The following ATP9B variants were observed in gnomAD, a reference collection of about 807,000 sequenced individuals.
The protein encoded by ATP9B is ATPase phospholipid transporting 9B, also known as probable phospholipid-transporting ATPase IIB.
Under a neutral mutation model 146.1 loss-of-function variants are expected in ATP9B, and 110 were observed. The observed-to-expected ratio is 0.75, with a 90% CI of 0.65 to 0.88. ATP9B has a LOEUF of 0.88. Ranked by LOEUF, ATP9B falls within the 40% of genes least tolerant of loss-of-function variation. The pLI is 0.00. For synonymous variants in ATP9B, 604 were observed against 569.7 expected, an observed-to-expected ratio of 1.06 and a Z score of -0.86; for missense variants, 1,499 against 1,496.4, an observed-to-expected ratio of 1.00 and a Z score of -0.03.
chr18:79,342,828 C>T (rs1374044574), intron 20 of ATP9B, among the ~76,000 whole-genome samples: 3 of 152,080 alleles, frequency 2.0e-5, no homozygotes, highest in East Asian at 1.9e-4. Flanking sequence ...ACAAGTTATA[C>T]GTGTTACATG....
intron 3 of ATP9B, among the ~76,000 whole-genome samples, chr18:79,111,060 T>C (rs2075974916): frequency 1.3e-5 from 2 of 152,214 alleles, no homozygotes; most frequent in South Asian, 2.1e-4. Context: ...TTGGGTATTA[T>C]TGCTAAATTT....
chr18:79,089,169 C>T (rs978567283), intron 1 of ATP9B, among the ~76,000 whole-genome samples: 5 of 151,918 alleles, frequency 3.3e-5, no homozygotes, highest in African/African-American at 4.8e-5. Flanking sequence ...GTATACTGCT[C>T]GGGAGATGGG....
intron 2 of ATP9B, among the ~76,000 whole-genome samples, chr18:79,106,275 G>C (rs1308545023): frequency 6.6e-6 from 1 of 152,178 alleles, no homozygotes; most frequent in East Asian, 1.9e-4. Context: ...AAGGACTTCT[G>C]TTTGCTTCTC....
chr18:79,356,608 T>C (rs571138300), intron 25 of ATP9B, among the ~76,000 whole-genome samples: 3 of 152,360 alleles, frequency 2.0e-5, no homozygotes, highest in African/African-American at 7.2e-5. Context: ...AATTGCGCTG[T>C]GTAAAAGACG....
At chr18:79,364,791 A>T (rs2097016466) in intron 26 of ATP9B, among the ~76,000 whole-genome samples, 1 of 152,194 alleles carries the variant, frequency 6.6e-6, no homozygotes, top group Admixed American at 6.5e-5. Flanking sequence ...TGGGAGGCTG[A>T]AGCAGGAGGA....
intron 7 of ATP9B, among the ~76,000 whole-genome samples, chr18:79,170,123 T>G (rs2095047375): frequency 6.6e-6 from 1 of 152,236 alleles, no homozygotes; most frequent in Non-Finnish European, 1.5e-5. Context: ...CTGTTCTGGC[T>G]GACCTTGGCT....
intron 12 of ATP9B, among the ~76,000 whole-genome samples, chr18:79,266,143 G>A (rs1599413683): frequency 2.0e-5 from 3 of 152,136 alleles, no homozygotes; most frequent in African/African-American, 4.8e-5. Context: ...TGAATATGGT[G>A]TATCTCTCAA....
At chr18:79,361,965 A>T (rs1224483224) in intron 26 of ATP9B, 1 of 231,944 alleles carries the variant, frequency 4.3e-6, no homozygotes, top group African/African-American at 2.3e-5. Flanking sequence ...GGCATAGAGC[A>T]ACAGCATAAA....
At chr18:79,260,050 A>G (rs1221420940) in intron 12 of ATP9B, among the ~76,000 whole-genome samples, 6 of 152,186 alleles carry the variant, frequency 3.9e-5, no homozygotes, top group Non-Finnish European at 7.3e-5. Flanking sequence ...GGGTGTGTCC[A>G]GGTGGCGTTT....
chr18:79,336,262 A>C (rs1384891130), intron 17 of ATP9B, among the ~76,000 whole-genome samples: 4 of 152,122 alleles, frequency 2.6e-5, no homozygotes, highest in Non-Finnish European at 4.4e-5. Context: ...TGCCGTCCAC[A>C]CTCTGGAGTG....
chr18:79,292,565 A>G (rs539962521), intron 13 of ATP9B, among the ~76,000 whole-genome samples: 1 of 152,216 alleles, frequency 6.6e-6, no homozygotes, highest in Non-Finnish European at 1.5e-5. Flanking sequence ...TAAATTGGCA[A>G]GCTGATTCTG....
chr18:79,082,045 A>G (rs1300524592), intron 1 of ATP9B, among the ~76,000 whole-genome samples: 4 of 152,152 alleles, frequency 2.6e-5, no homozygotes, highest in Non-Finnish European at 5.9e-5. Context: ...CATTCACACA[A>G]TGAAACATAG....
intron 21 of ATP9B, 130 bp from the exon 22 acceptor site, chr18:79,345,298 G>C (rs1164721579): frequency 8.9e-7 from 1 of 1,120,508 alleles, no homozygotes; most frequent in Non-Finnish European, 1.3e-6. Context: ...ATGATTCACA[G>C]AAAACTGAAA....
chr18:79,177,576 C>T (rs971613347), intron 8 of ATP9B, among the ~76,000 whole-genome samples: 2 of 152,096 alleles, frequency 1.3e-5, no homozygotes, highest in African/African-American at 4.8e-5. Context: ...CTGTGTGCTC[C>T]TCTCCTTTGC....
At chr18:79,266,309 A>C (rs2096203262) in intron 12 of ATP9B, among the ~76,000 whole-genome samples, 1 of 152,116 alleles carries the variant, frequency 6.6e-6, no homozygotes, top group African/African-American at 2.4e-5. Context: ...AATTTTTATA[A>C]AATTATTGAC....
chr18:79,260,804 G>A (rs894332687), intron 12 of ATP9B, among the ~76,000 whole-genome samples: 11 of 152,206 alleles, frequency 7.2e-5, no homozygotes, highest in Non-Finnish European at 1.2e-4. Context: ...CAGCCTAAGG[G>A]CAGAGCACTG....
At chr18:79,289,104 C>G (rs2096474727) in intron 13 of ATP9B, among the ~76,000 whole-genome samples, 1 of 152,106 alleles carries the variant, frequency 6.6e-6, no homozygotes, top group Non-Finnish European at 1.5e-5. Context: ...TGGAGTTGCT[C>G]TTCTCGAGGA....
At chr18:79,217,358 G>A (rs985528207) in intron 11 of ATP9B, among the ~76,000 whole-genome samples, 3 of 152,006 alleles carry the variant, frequency 2.0e-5, no homozygotes, top group Admixed American at 1.3e-4. Flanking sequence ...CTAATTTTTT[G>A]TATTTTTATT....
chr18:79,348,169 C>G lies in ATP9B; in HGVS notation c.2876C>G (p.Pro959Arg). 6.2e-7 allele frequency: 1 copy of G among 1,612,062 alleles called. No homozygotes were observed. ...FSSVFYFASV[P>R]LYQGFLMVGY... ...TCAGTCTTCTACTTCGCATCCGTCC[C>G]TTTGTATCAGGGCTTCCTCATGGTG... Residue 959 changes from proline (P) to arginine (R), a missense_variant, in exon 25 of 30, where the codon CCT becomes CGT. Physicochemically the swap from Pro to Arg is moderately radical, Grantham distance 103 (BLOSUM62 -2). Coordinates refer to ENST00000426216, the MANE Select transcript of ATP9B (RefSeq NM_198531.5).
Sources: gnomAD v4.1 joint callset for allele counts (sites outside exome capture counted in the v4.1 genomes callset) on GRCh38, gnomAD v4.1.1 for gene constraint, MANE v1.5 for transcripts, NCBI Gene and HGNC (gene_info 2026-07-23, HGNC 2026-07-21) for gene names.